The following MYCBP2 variants were observed in gnomAD, a reference collection of about 807,000 sequenced individuals.
MYCBP2 encodes the protein E3 ubiquitin-protein ligase MYCBP2.
Under a neutral mutation model 525.3 loss-of-function variants are expected in MYCBP2, and 120 were observed. The ratio of observed to expected loss-of-function variants is 0.23; its 90% CI spans 0.20 to 0.27. The LOEUF is 0.27. MYCBP2 is among the 10% of genes least tolerant of loss of function. MYCBP2 has a pLI of 1.00. For synonymous variants in MYCBP2, 1,894 were observed against 1,955.8 expected (o/e 0.97, Z 0.83); for missense variants, 4,149 against 5,657.1 (o/e 0.73, Z 8.55).
At chr13:77,297,465 G>A (rs1178268925) in intron 1 of MYCBP2, among the ~76,000 whole-genome samples, 1 of 152,142 alleles carries the variant, frequency 6.6e-6, no homozygotes, top group African/African-American at 2.4e-5. Flanking sequence ...ATGAAGTCGG[G>A]GGGAAGAGGG....
rs116766455 is a variant in MYCBP2 at position 77,254,554 on chromosome 13, C to A, written c.2176+3117G>T. ...GCATATATGTGAGTTTTCATACATG[C>A]ATATAATGTCTAATGATCAAATCTG... On this transcript the variant is annotated intron_variant, in intron 14 of 82. Coordinates refer to ENST00000544440, the MANE Select transcript of MYCBP2 (RefSeq NM_015057.5). Among the ~76,000 whole-genome samples, 257 of 151,974 alleles carry A rather than the reference C, an allele frequency of 1.7e-3. 1 individual carries two copies. The highest frequency in any genetic ancestry group is 5.6e-3 in the African/African-American group (234 of 41,506).
chr13:77,165,164 A>G (rs1364564420), intron 42 of MYCBP2, 109 bp downstream of exon 42: 4 of 923,892 alleles, frequency 4.3e-6, no homozygotes, highest in Non-Finnish European at 6.8e-6. Flanking sequence ...CCAGGCCCCA[A>G]TTTTTCGAAT....
chr13:77,324,192 A>T (rs2082026298), intron 1 of MYCBP2, among the ~76,000 whole-genome samples: 1 of 152,182 alleles, frequency 6.6e-6, no homozygotes, highest in Non-Finnish European at 1.5e-5. Flanking sequence ...TTCAACATTT[A>T]CCACTTCTGA....
At chr13:77,285,943 A>G (rs79957986) in intron 3 of MYCBP2, among the ~76,000 whole-genome samples, 1 of 152,146 alleles carries the variant, frequency 6.6e-6, no homozygotes, top group East Asian at 1.9e-4. Context: ...TAGAGTAGGT[A>G]CAGTTAGGAC....
At chr13:77,211,659 T>G (rs989033457) in intron 22 of MYCBP2, among the ~76,000 whole-genome samples, 1 of 152,202 alleles carries the variant, frequency 6.6e-6, no homozygotes, top group Non-Finnish European at 1.5e-5. Context: ...TATTTAGCAA[T>G]AAACAATGCA....
chr13:77,079,764 C>T (rs1236992914), intron 65 of MYCBP2, among the ~76,000 whole-genome samples: 2 of 152,236 alleles, frequency 1.3e-5, no homozygotes, highest in Non-Finnish European at 1.5e-5. Flanking sequence ...ATATCTAAAA[C>T]CAGAAATGCT....
rs192327095 is a variant in MYCBP2, at chr13:77,069,575, T to C, written c.11905-744A>G. The stretch of plus-strand genomic sequence containing the variant: ...TAACACGGTGAAACCCCGTCTCTAC[T>C]AAAAATACAAAAATATTATGCCTGT... On this transcript the variant is annotated intron_variant, in intron 69 of 82. Transcript: ENST00000544440. 4.8e-5 allele frequency among the ~76,000 whole-genome samples: 7 copies of C among 144,844 alleles called. No individual in the cohort carries two copies. The South Asian group carries it at 6.5e-4, about 13-fold the overall frequency.
In MYCBP2 at chr13:77,168,556, T is replaced by G; in HGVS notation, c.5986A>C (p.Asn1996His). Residue 1996 changes from asparagine (N) to histidine (H), a missense_variant, in exon 40 of 83, where the codon AAT (asparagine) becomes CAT (histidine). By Grantham distance (68) the Asn-to-His change is moderately conservative. This residue lies in a region of MYCBP2 where 692 missense variants were observed against 852.7 expected (regional missense o/e 0.81). Coordinates refer to ENST00000544440, the MANE Select transcript of MYCBP2 (RefSeq NM_015057.5). ...QKYAPPAFNP[N>H]QSTDSTTGNQ... is the part of the protein sequence containing the mutation. ...CCTGTGGTGCTATCTGTCGACTGATTAGGGTTGAAGGCAGGCGGTGCATAC... is the reference window on the plus strand; with the variant it reads ...CCTGTGGTGCTATCTGTCGACTGATGAGGGTTGAAGGCAGGCGGTGCATAC... The G allele has an allele frequency of 6.2e-7, 1 of 1,614,086 alleles. No homozygotes were observed. The highest frequency in any genetic ancestry group is 2.2e-5 in the East Asian group (1 of 44,880).
intron 55 of MYCBP2, among the ~76,000 whole-genome samples, chr13:77,108,328 T>C (rs1406497038): frequency 6.6e-6 from 1 of 152,198 alleles, no homozygotes; most frequent in Admixed American, 6.5e-5. Context: ...AGGAAAAGCG[T>C]ATCATTTCAG....
chr13:77,061,041 T>C (rs189589194), intron 76 of MYCBP2, 128 bp downstream of exon 76: 4 of 1,060,592 alleles, frequency 3.8e-6, no homozygotes, highest in East Asian at 2.7e-5. Context: ...TTAGTAAATA[T>C]ATAGATCAAT....
Position 77,164,431 on chromosome 13 carries a change from C to T in MYCBP2, c.6547+23G>A, listed in dbSNP as rs74098710. 4.3e-3 allele frequency: 6,546 copies of T among 1,505,452 alleles called. 260 individuals are homozygous for T. The African/African-American group carries it at 0.079, about 18-fold the overall frequency. The allele number at this position is 1,505,452 out of a possible 1,614,324, so 93.3% of individuals were successfully genotyped here. ...AACAAAACAAAACCCTATCAAAAAACATCCAGTATTGGCCACACTTACCAA... is the reference window on the plus strand; with the variant it reads ...AACAAAACAAAACCCTATCAAAAAATATCCAGTATTGGCCACACTTACCAA... On this transcript the variant is annotated intron_variant, in intron 43 of 82. Coordinates refer to ENST00000544440, the MANE Select transcript of MYCBP2 (RefSeq NM_015057.5).
intron 55 of MYCBP2, among the ~76,000 whole-genome samples, chr13:77,117,009 A>G (rs1201849844): frequency 1.3e-5 from 2 of 152,016 alleles, no homozygotes; most frequent in Non-Finnish European, 2.9e-5. Flanking sequence ...ATTTTCTAGT[A>G]TAAATTTTCT....
rs755198551 is a variant in MYCBP2 at position 77,083,073 on chromosome 13, C to G, written c.10995G>C (p.Met3665Ile). Residue 3665 changes from methionine to isoleucine, a missense_variant, in exon 63 of 83, where the codon ATG becomes ATC. Coordinates refer to ENST00000544440, the MANE Select transcript of MYCBP2 (RefSeq NM_015057.5). Reference protein sequence around the residue: ...RLLQTISDLMMSLPSGSSLQQ... With the variant: ...RLLQTISDLMISLPSGSSLQQ... Reference sequence around the variant, plus strand: ...GTAATGAACTGCCGCTGGGGAGAGACATCATAAGGTCTGAGATGGTCTGCA... The same window carrying G: ...GTAATGAACTGCCGCTGGGGAGAGAGATCATAAGGTCTGAGATGGTCTGCA... 1.9e-6 allele frequency: 3 copies of G among 1,613,356 alleles called. No homozygotes were observed. The highest frequency in any genetic ancestry group is 1.7e-6 in the Non-Finnish European group (2 of 1,179,570).
In MYCBP2 at chr13:77,045,112, C is replaced by T. The variant is rs1022824586; in HGVS notation, c.*266G>A. 5 of 435,318 alleles carry T rather than the reference C, an allele frequency of 1.1e-5. No homozygotes were observed. In the Admixed American group the frequency reaches 1.2e-4, roughly 10 times the overall value. The allele number at this position is 435,318 out of a possible 1,614,324, so 27.0% of individuals were successfully genotyped here. Reference sequence around the variant, plus strand: ...TTATCTATAAATGTCCAATGCTTCACAGGCCAATGACGGTAATGGCCACAT... The same window carrying T: ...TTATCTATAAATGTCCAATGCTTCATAGGCCAATGACGGTAATGGCCACAT... On this transcript the variant is annotated 3_prime_UTR_variant, in exon 83 of 83. Coordinates refer to ENST00000544440, the MANE Select transcript of MYCBP2 (RefSeq NM_015057.5).
chr13:77,286,939 C>CAG (rs1315448048), intron 3 of MYCBP2, among the ~76,000 whole-genome samples: 1 of 148,394 alleles, frequency 6.7e-6, no homozygotes, highest in African/African-American at 2.5e-5. Flanking sequence ...GGCTGGAGTG[C>CAG]AGTGGCGCCA....
At chr13:77,183,508 G>A (rs1228900519) in intron 32 of MYCBP2, among the ~76,000 whole-genome samples, 1 of 129,596 alleles carries the variant, frequency 7.7e-6, no homozygotes, top group Non-Finnish European at 1.6e-5. Flanking sequence ...AAATTCACCA[G>A]TATAAAGTTG....
chr13:77,074,030 C>G (rs559457859), intron 68 of MYCBP2, among the ~76,000 whole-genome samples: 1 of 113,292 alleles, frequency 8.8e-6, no homozygotes, highest in Non-Finnish European at 1.7e-5. Context: ...TTTAAAGAAA[C>G]GGTCAAGCTG....
chr13:77,070,544 C>T, intron 69 of MYCBP2, 87 bp downstream of exon 69: 1 of 951,904 alleles, frequency 1.1e-6, no homozygotes, highest in South Asian at 1.7e-5. Context: ...GCTTTATACC[C>T]TAATAACAAA....
chr13:77,056,095 G>GT (rs2154064439), intron 79 of MYCBP2, among the ~76,000 whole-genome samples: 1 of 135,148 alleles, frequency 7.4e-6, no homozygotes, highest in Admixed American at 7.7e-5. Flanking sequence ...CACGCTCTGT[G>GT]TTTGGTGTGT....
Sources: gnomAD v4.1 joint callset for allele counts (sites outside exome capture counted in the v4.1 genomes callset) on GRCh38, gnomAD v4.1.1 for gene constraint, gnomAD v4.1.1 regional missense constraint, MANE v1.5 for transcripts, NCBI Gene and HGNC (gene_info 2026-07-23, HGNC 2026-07-21) for gene names.